The following ABCC6 variants were observed in gnomAD, a reference collection of about 807,000 sequenced individuals.
ABCC6 encodes the protein ATP binding cassette subfamily C member 6, also known as ATP-binding cassette sub-family C member 6.
A neutral mutation model predicts 169.5 loss-of-function variants in ABCC6; 126 were observed. The ratio of observed to expected loss-of-function variants is 0.74; its 90% CI spans 0.64 to 0.86. The LOEUF is 0.86. Ranked by LOEUF, ABCC6 falls within the 40% of genes least tolerant of loss-of-function variation. The probability of loss-of-function intolerance (pLI) is 0.00; values close to 1 mark genes in which losing one functional copy is unlikely to be tolerated. For missense variants in ABCC6, 1,733 were observed against 1,927.2 expected, an observed-to-expected ratio of 0.90 and a Z score of 1.89; for synonymous variants, 752 against 814.7, an observed-to-expected ratio of 0.92 and a Z score of 1.31.
intron 21 of ABCC6, among the ~76,000 whole-genome samples, chr16:16,170,938 AAAAGAAAG>A (rs1305085072): frequency 0.022 from 2,583 of 115,998 alleles, 724 homozygotes; most frequent in Middle Eastern, 0.057. Context: ...AAAAAAAAAA[AAAAGAAAG>A]AAAGAAAGAA....
At position 16,150,764 on chromosome 16, in the gene ABCC6, T is replaced by G. The variant is rs1316994507; in HGVS notation, c.4217A>C (p.Gln1406Pro). The change falls in exon 30 of 31, where the codon CAG becomes CCG. Residue 1406 changes from glutamine to proline, a missense_variant. Physicochemically the swap from Gln to Pro is moderately conservative, Grantham distance 76. This residue lies in a region of ABCC6 where 1,601 missense variants were observed against 1,635.5 expected (regional missense o/e 0.98). Coordinates refer to ENST00000205557, the MANE Select transcript of ABCC6 (RefSeq NM_001171.6). ...ACGTGCCAGACACAGGAGCTGTTTC[T>G]GGCCCACGCTGGGAACGATTGGGAC... ...ADRGEDLSVG[Q>P]KQLLCLARAL... is the part of the protein sequence containing the mutation. The G allele has an allele frequency of 6.2e-7, 1 of 1,613,588 alleles. No homozygotes were observed.
Position 16,182,918 on chromosome 16 carries a change from C to G in ABCC6, c.1956G>C (p.Thr652=), listed in dbSNP as rs141399693. 1.7e-5 allele frequency: 27 copies of G among 1,614,080 alleles called. No homozygotes were observed. The highest frequency in any genetic ancestry group is 2.2e-5 in the Non-Finnish European group (26 of 1,179,980). ...SPPCLHRINL[T]VPQGCLLAVV... ...CAGCCAGCAGACAGCCCTGGGGCAC[C>G]GTGAGGTTTATTCTGGACACGCAAG... The change falls in exon 16 of 31, where the codon ACG becomes ACC. Residue 652 remains threonine (T), a synonymous_variant. Transcript: ENST00000205557.
rs766589881 is a variant in ABCC6, at chr16:16,182,584, G to A, written c.2075C>T (p.Ala692Val). 1 of 1,612,302 alleles carries A rather than the reference G, an allele frequency of 6.2e-7. No individual in the cohort carries two copies. The highest frequency in any genetic ancestry group is 8.5e-7 in the Non-Finnish European group (1 of 1,178,674). Residue 692 changes from alanine (A) to valine (V), a missense_variant, in exon 17 of 31, where the codon GCT becomes GTT. Around this residue, in one of 5 missense-constraint regions of ABCC6, gnomAD observed 1,601 missense variants for 1,635.5 expected, o/e 0.98. Coordinates refer to ENST00000205557, the MANE Select transcript of ABCC6 (RefSeq NM_001171.6). ...GGCCTCCTGGGGCACGTAGGCCACA[G>A]CACCCTAAAACACAACTTACTTTGG... is the stretch of plus-strand genomic sequence containing the variant. Reference protein sequence around the residue: ...KVEGFVSIEGAVAYVPQEAWV... With the variant: ...KVEGFVSIEGVVAYVPQEAWV...
intron 16 of ABCC6, 103 bp downstream of exon 16, chr16:16,182,701 A>G: frequency 1.5e-6 from 2 of 1,344,404 alleles, no homozygotes; most frequent in Non-Finnish European, 2.0e-6. Flanking sequence ...GGAGAGAATG[A>G]GTGAAAGTGA....
chr16:16,159,595 A>C lies in ABCC6; in HGVS notation c.3634-12T>G. 6.2e-7 allele frequency: 1 copy of C among 1,613,718 alleles called. No individual in the cohort carries two copies. Among genetic ancestry groups the C allele is most frequent in the Non-Finnish European group, 8.5e-7 (1 of 1,179,672 alleles). On this transcript the variant is annotated splice_polypyrimidine_tract_variant and intron_variant, in intron 25 of 30. Transcript: ENST00000205557. ...AGTGTCTGGGTCACCTGGTGCAAGA[A>C]AGCCTCTCTGGCTGGGTTTGGCAAG...
rs63750759 is a variant in ABCC6, at chr16:16,154,974, G to T, written c.3940C>A (p.Arg1314=). 6.3e-7 allele frequency: 1 copy of T among 1,576,954 alleles called. No homozygotes were observed. Among genetic ancestry groups the T allele is most frequent in the South Asian group, 1.2e-5 (1 of 86,174 alleles). Residue 1314 remains arginine (R), a synonymous_variant, in exon 28 of 31, where the codon CGG becomes AGG. Coordinates refer to ENST00000205557, the MANE Select transcript of ABCC6 (RefSeq NM_001171.6). ...CCACCCTCAGCTGCCTCCTGGAGCC[G>T]CAGCAGCCCACTGGCCAGGGAGGAC... ...GKSSLASGLL[R]LQEAAEGGIW...
intron 9 of ABCC6, among the ~76,000 whole-genome samples, chr16:16,200,229 C>T (rs1245814152): frequency 2.6e-5 from 4 of 151,886 alleles, no homozygotes; most frequent in African/African-American, 4.8e-5. Flanking sequence ...GTCAGGAGTT[C>T]GATACCAGCT....
intron 26 of ABCC6, 130 bp from the exon 27 acceptor site, chr16:16,157,939 T>C: frequency 9.7e-7 from 1 of 1,034,868 alleles, no homozygotes; most frequent in Non-Finnish European, 1.4e-6. Context: ...ACAGGGTTGT[T>C]ATGGGAATTC....
chr16:16,222,462 G>A (rs1043368504), intron 1 of ABCC6, among the ~76,000 whole-genome samples: 5 of 152,136 alleles, frequency 3.3e-5, no homozygotes, highest in African/African-American at 9.6e-5. Flanking sequence ...ACAAAGCTTC[G>A]AATTTCCTGG....
intron 22 of ABCC6, 40 bp from the exon 23 acceptor site, chr16:16,165,973 C>A (rs193008497): frequency 1.2e-6 from 2 of 1,601,506 alleles, no homozygotes; most frequent in Admixed American, 3.4e-5. Flanking sequence ...GGGCTGGAGA[C>A]CCTCAGGAGC....
At chr16:16,195,562 C>G (rs936276399) in intron 10 of ABCC6, among the ~76,000 whole-genome samples, 1 of 152,074 alleles carries the variant, frequency 6.6e-6, no homozygotes, top group Admixed American at 6.6e-5. Context: ...TTCTGCCGGC[C>G]TTCACCTCCC....
intron 17 of ABCC6, among the ~76,000 whole-genome samples, chr16:16,180,250 A>G (rs1442091357): frequency 1.3e-5 from 2 of 152,204 alleles, no homozygotes; most frequent in African/African-American, 4.8e-5. Flanking sequence ...GTGCTGATCC[A>G]TGGCCCGGGG....
At chr16:16,186,445 G>A (rs1303366303) in intron 14 of ABCC6, among the ~76,000 whole-genome samples, 1 of 151,858 alleles carries the variant, frequency 6.6e-6, no homozygotes, top group Non-Finnish European at 1.5e-5. Context: ...GGGCAGGTGA[G>A]CAGAGTGTCA....
intron 4 of ABCC6, among the ~76,000 whole-genome samples, chr16:16,218,268 C>T (rs1381091979): frequency 1.7e-4 from 22 of 126,540 alleles, no homozygotes; most frequent in African/African-American, 5.2e-4. Context: ...GAGAATTGCT[C>T]GAGCCGAGGA....
chr16:16,173,018 GGTGA>G (rs2047163289), intron 21 of ABCC6: 3 of 514,950 alleles, frequency 5.8e-6, no homozygotes, highest in Non-Finnish European at 1.0e-5. Context: ...GTCCAGCCTG[GGTGA>G]GTGAGCGAGC....
chr16:16,184,556 G>A (rs1380687800), intron 15 of ABCC6, among the ~76,000 whole-genome samples: 1 of 152,182 alleles, frequency 6.6e-6, no homozygotes, highest in Non-Finnish European at 1.5e-5. Context: ...AAGACCAAGC[G>A]ATAGAGTTGG....
rs753378294 is a variant in ABCC6, at chr16:16,177,529, T to C, written c.2513A>G (p.Gln838Arg). The C allele has an allele frequency of 1.2e-6, 2 of 1,613,912 alleles. No homozygotes were observed. Among genetic ancestry groups the C allele is most frequent in the Non-Finnish European group, 1.7e-6 (2 of 1,179,930 alleles). ...NGAIAEMGSYQELLQRKGALM... is the reference protein window; with the variant it reads ...NGAIAEMGSYRELLQRKGALM... ...GGCCCCCTTCCTCTGCAGAAGCTCCTGGTAGGAACCCATCTCTGCGATGGC... is the reference window on the plus strand; with the variant it reads ...GGCCCCCTTCCTCTGCAGAAGCTCCCGGTAGGAACCCATCTCTGCGATGGC... The change falls in exon 19 of 31, where the codon CAG (glutamine) becomes CGG (arginine). Residue 838 changes from glutamine to arginine, a missense_variant. Physicochemically the swap from Gln to Arg is conservative, Grantham distance 43. Around this residue, in one of 5 missense-constraint regions of ABCC6, gnomAD observed 1,601 missense variants for 1,635.5 expected, o/e 0.98. Transcript: ENST00000205557.
At chr16:16,197,889 G>C (rs565937433) in intron 10 of ABCC6, 132 bp downstream of exon 10, 2 of 1,082,078 alleles carry the variant, frequency 1.8e-6, no homozygotes, top group Non-Finnish European at 2.7e-6. Flanking sequence ...CCTAACCCTG[G>C]GGTCACAGCG....
intron 2 of ABCC6, chr16:16,221,438 C>T (rs1442234933): frequency 4.2e-5 from 60 of 1,442,120 alleles, no homozygotes; most frequent in East Asian, 5.0e-5. Flanking sequence ...TTTGCGCATG[C>T]GTGGATTTTC....
Sources: gnomAD v4.1 joint callset for allele counts (sites outside exome capture counted in the v4.1 genomes callset) on GRCh38, gnomAD v4.1.1 for gene constraint, gnomAD v4.1.1 regional missense constraint, MANE v1.5 for transcripts, NCBI Gene and HGNC (gene_info 2026-07-23, HGNC 2026-07-21) for gene names.